Variants in GABPB2 observed in about 807,000 individuals in gnomAD.
GABPB2 encodes GA-binding protein subunit beta-2.
GABPB2 carries 23 observed loss-of-function variants against 39.1 expected under a neutral mutation model. The ratio of observed to expected loss-of-function variants is 0.59; its 90% CI spans 0.42 to 0.83. GABPB2 has a LOEUF of 0.83. Among genes scored for constraint, GABPB2 ranks in the 40% least tolerant of loss-of-function variants. GABPB2 has a pLI of 0.00. For missense variants in GABPB2, 467 were observed against 541.1 expected, an observed-to-expected ratio of 0.86 and a Z score of 1.36; for synonymous variants, 184 against 199.3, an observed-to-expected ratio of 0.92 and a Z score of 0.65.
chr1:151,117,969 A>G lies in GABPB2; in HGVS notation c.1060A>G (p.Arg354Gly). 6.2e-7 allele frequency: 1 copy of G among 1,609,824 alleles called. No individual in the cohort carries two copies. The change falls in exon 9 of 9, where the codon AGA (arginine) becomes GGA (glycine). Residue 354 changes from arginine to glycine, a missense_variant. Arg to Gly is a moderately radical substitution (Grantham distance 125, BLOSUM62 -2). Coordinates refer to ENST00000368918, the MANE Select transcript of GABPB2 (RefSeq NM_144618.3). ...SVEESKEGNERELLQQQLQEA... is the reference protein window; with the variant it reads ...SVEESKEGNEGELLQQQLQEA... ...CTTACTTTTACAGGAAGGCAATGAAAGAGAGCTACTACAGCAACAACTCCA... is the reference window on the plus strand; with the variant it reads ...CTTACTTTTACAGGAAGGCAATGAAGGAGAGCTACTACAGCAACAACTCCA...
Position 151,120,255 on chromosome 1 carries a change from C to G in GABPB2, c.*1999C>G, listed in dbSNP as rs1054822305. On this transcript the variant is annotated 3_prime_UTR_variant, in exon 9 of 9. Transcript: ENST00000368918. ...TCGGGAGGCTGAGGCGGTAGAATCACTTGAACCCAGGTGACAGAGGTTGCA... is the reference window on the plus strand; with the variant it reads ...TCGGGAGGCTGAGGCGGTAGAATCAGTTGAACCCAGGTGACAGAGGTTGCA... 1 of 152,238 alleles carries G rather than the reference C, an allele frequency of 6.6e-6. No homozygotes were observed. The highest frequency in any genetic ancestry group is 2.4e-5 in the African/African-American group (1 of 41,422). The allele number at this position is 152,238 out of a possible 1,614,324, so 9.4% of individuals were successfully genotyped here. A position where few individuals can be genotyped will look rare whatever the true frequency, so the allele number is the denominator to read the frequency against.
intron 7 of GABPB2, among the ~76,000 whole-genome samples, chr1:151,113,469 CAAAAAAA>C (rs959062545): frequency 6.3e-5 from 4 of 63,294 alleles, no homozygotes; most frequent in African/African-American, 1.6e-4. Context: ...ACTCCAACTG[CAAAAAAA>C]AAAAAAAAAA....
At chr1:151,097,813 A>G (rs368223439) in intron 4 of GABPB2, 39 bp from the exon 5 acceptor site, 11 of 1,579,620 alleles carry the variant, frequency 7.0e-6, no homozygotes, top group African/African-American at 2.7e-5. Context: ...AGAAAAGCTA[A>G]TAAGTGTTCT....
chr1:151,075,505 A>C (rs1677090646), intron 1 of GABPB2, among the ~76,000 whole-genome samples: 1 of 142,240 alleles, frequency 7.0e-6, no homozygotes, highest in South Asian at 2.3e-4. Flanking sequence ...CGGAGCTTGC[A>C]GTGAGCCGAG....
chr1:151,071,039 G>C (rs896165626), intron 1 of GABPB2, 105 bp downstream of exon 1: 1 of 152,240 alleles, frequency 6.6e-6, no homozygotes, highest in African/African-American at 2.4e-5. Flanking sequence ...CGGACTTCTG[G>C]GTGCAGACCT....
chr1:151,114,240 C>T (rs114196151), intron 7 of GABPB2, among the ~76,000 whole-genome samples: 1,641 of 151,856 alleles, frequency 0.011, 42 homozygotes, highest in African/African-American at 0.038. Flanking sequence ...CCTGTAGTCC[C>T]AGCTACTTGG....
At chr1:151,111,565 G>C (rs1052175202) in intron 7 of GABPB2, among the ~76,000 whole-genome samples, 6 of 152,022 alleles carry the variant, frequency 3.9e-5, no homozygotes, top group Non-Finnish European at 2.9e-5. Context: ...TGGGACTACA[G>C]GCGCCTGCCA....
chr1:151,074,464 C>A (rs1676996016), intron 1 of GABPB2, among the ~76,000 whole-genome samples: 1 of 146,836 alleles, frequency 6.8e-6, no homozygotes, highest in African/African-American at 2.5e-5. Context: ...GCCCCCGCCA[C>A]CATGCCCAGC....
intron 6 of GABPB2, among the ~76,000 whole-genome samples, chr1:151,104,154 C>T (rs1056802817): frequency 2.0e-5 from 3 of 152,008 alleles, no homozygotes; most frequent in Non-Finnish European, 4.4e-5. Flanking sequence ...TTGGCATTTC[C>T]AAAGGAGTTG....
chr1:151,111,400 GC>G (rs145404462), intron 7 of GABPB2, among the ~76,000 whole-genome samples: 3,532 of 134,458 alleles, frequency 0.026, 99 homozygotes, highest in African/African-American at 0.082. Context: ...GCCCACCACC[GC>G]CCCCCACTAA....
rs201724065 is a variant in GABPB2 at position 151,117,404 on chromosome 1, C to T, written c.935C>T (p.Pro312Leu). 2 of 1,613,610 alleles carry T rather than the reference C, an allele frequency of 1.2e-6. No individual in the cohort carries two copies. Among genetic ancestry groups the T allele is most frequent in the African/African-American group, 1.3e-5 (1 of 74,866 alleles). The change falls in exon 8 of 9, where the codon CCT becomes CTT. Residue 312 changes from proline (P) to leucine (L), a missense_variant. Physicochemically the swap from Pro to Leu is moderately conservative, Grantham distance 98 (BLOSUM62 -3). Coordinates refer to ENST00000368918, the MANE Select transcript of GABPB2 (RefSeq NM_144618.3). ...VQDGQQVLTV[P>L]AGKVAEETVI... The stretch of plus-strand genomic sequence containing the variant: ...CTTTGACTTGTAGTTCTAACTGTAC[C>T]TGCTGGTAAGGTTGCAGAGGAGACT...
intron 1 of GABPB2, among the ~76,000 whole-genome samples, chr1:151,078,901 C>T (rs940530515): frequency 6.6e-6 from 1 of 151,802 alleles, no homozygotes; most frequent in East Asian, 2.0e-4. Flanking sequence ...CCAACTCCTG[C>T]CCTCAAGTGA....
At chr1:151,105,408 T>C (rs1488892957) in intron 6 of GABPB2, among the ~76,000 whole-genome samples, 1 of 148,810 alleles carries the variant, frequency 6.7e-6, no homozygotes, top group Non-Finnish European at 1.5e-5. Flanking sequence ...ATCAAATGTA[T>C]ATCAAATATA....
At chr1:151,079,083 G>T (rs1677433314) in intron 1 of GABPB2, among the ~76,000 whole-genome samples, 1 of 152,072 alleles carries the variant, frequency 6.6e-6, no homozygotes, top group African/African-American at 2.4e-5. Flanking sequence ...CTTATATTAG[G>T]AGGTAAATAT....
chr1:151,098,125 A>G, intron 5 of GABPB2, 123 bp downstream of exon 5: 1 of 802,688 alleles, frequency 1.2e-6, no homozygotes, highest in Non-Finnish European at 2.0e-6. Context: ...AAAGCAGAAG[A>G]TTTGTAATAG....
chr1:151,074,221 C>T (rs1676966448), intron 1 of GABPB2, among the ~76,000 whole-genome samples: 1 of 150,964 alleles, frequency 6.6e-6, no homozygotes, highest in African/African-American at 2.4e-5. Flanking sequence ...GTGATTCTCC[C>T]GCCTCAGCCT....
At position 151,107,178 on chromosome 1, in the gene GABPB2, G is replaced by A. The variant is rs140700719; in HGVS notation, c.878G>A (p.Gly293Asp). Residue 293 changes from glycine (G) to aspartate (D), a missense_variant, in exon 7 of 9, where the codon GGC becomes GAC. By Grantham distance (94) the Gly-to-Asp change is moderately conservative. Transcript: ENST00000368918. ...ATCCAAACTTCAATCCCTACTGGAG[G>A]CATTGGCCAGCCATTTATTGTAACT... ...GNIQTSIPTG[G>D]IGQPFIVTVQ... 348 of 1,603,668 alleles carry A rather than the reference G, an allele frequency of 2.2e-4. 1 individual carries two copies. The highest frequency in any genetic ancestry group is 2.8e-4 in the Non-Finnish European group (329 of 1,176,446).
At chr1:151,111,314 G>T (rs1322893819) in intron 7 of GABPB2, among the ~76,000 whole-genome samples, 1 of 151,108 alleles carries the variant, frequency 6.6e-6, no homozygotes, top group Non-Finnish European at 1.5e-5. Context: ...CGCAATCTCG[G>T]CTCACTGCAA....
At chr1:151,073,984 T>C (rs995647450) in intron 1 of GABPB2, among the ~76,000 whole-genome samples, 1 of 149,312 alleles carries the variant, frequency 6.7e-6, no homozygotes, top group East Asian at 2.0e-4. Context: ...TATTTCTTTT[T>C]TTTTTTTTTT....
Sources: gnomAD v4.1 joint callset for allele counts (sites outside exome capture counted in the v4.1 genomes callset) on GRCh38, gnomAD v4.1.1 for gene constraint, MANE v1.5 for transcripts, NCBI Gene and HGNC (gene_info 2026-07-23, HGNC 2026-07-21) for gene names.